The following PCDHGA1 variants were observed in gnomAD, a reference collection of about 807,000 sequenced individuals.
The protein encoded by PCDHGA1 is protocadherin gamma-A1.
PCDHGA1 carries 32 observed loss-of-function variants against 58.0 expected under a neutral mutation model. The observed-to-expected ratio is 0.55, with a 90% confidence interval of 0.42 to 0.74. PCDHGA1 has a LOEUF of 0.74. PCDHGA1 is among the 30% of genes least tolerant of loss of function. The pLI is 0.00. For missense variants in PCDHGA1, 1,205 were observed against 1,182.3 expected, an observed-to-expected ratio of 1.02 and a Z score of -0.28; for synonymous variants, 498 against 501.1, an observed-to-expected ratio of 0.99 and a Z score of 0.08.
rs764313049 is a variant in PCDHGA1, at chr5:141,418,041, T to G, written c.2422-76766T>G. 36 of 1,613,976 alleles carry G rather than the reference T, an allele frequency of 2.2e-5. No homozygotes were observed. In the Admixed American group the frequency reaches 2.3e-4, roughly 10 times the overall value. On this transcript the variant is annotated intron_variant, in intron 1 of 3. Coordinates refer to ENST00000517417, the MANE Select transcript of PCDHGA1 (RefSeq NM_018912.3). Reference sequence around the variant, plus strand: ...GATCTAGGGCTTAGTGTCCTGGATGTGTCGGCTCGCGAGCTGCGAGTGAGC... The same window carrying G: ...GATCTAGGGCTTAGTGTCCTGGATGGGTCGGCTCGCGAGCTGCGAGTGAGC...
chr5:141,388,525 C>T (rs780990884), intron 1 of PCDHGA1: 2 of 1,613,854 alleles, frequency 1.2e-6, no homozygotes, highest in Non-Finnish European at 8.5e-7. Flanking sequence ...ACTTTGACTG[C>T]CTTGGACTTT....
rs894528472 is a variant in PCDHGA1 at position 141,489,718 on chromosome 5, C to A, written c.2422-5089C>A. 6.2e-7 allele frequency: 1 copy of A among 1,614,038 alleles called. No individual in the cohort carries two copies. Among genetic ancestry groups the A allele is most frequent in the African/African-American group, 1.3e-5 (1 of 74,934 alleles). ...ATTCCCACTGGACAGTGCCCAGGATCCGGATGTGGGCACCAATACTGTGAG... is the reference window on the plus strand; with the variant it reads ...ATTCCCACTGGACAGTGCCCAGGATACGGATGTGGGCACCAATACTGTGAG... On this transcript the variant is annotated intron_variant, in intron 1 of 3. Coordinates refer to ENST00000517417, the MANE Select transcript of PCDHGA1 (RefSeq NM_018912.3). This position sits in a 1 kb window ranked among gnomAD's most constrained non-coding sequence, Gnocchi z 4.5.
At position 141,403,891 on chromosome 5, in the gene PCDHGA1, AT is replaced by A. The variant is rs757338627; in HGVS notation, c.2421+70790del. The A allele has an allele frequency of 3.1e-6, 5 of 1,613,870 alleles. No individual in the cohort carries two copies. In the Admixed American group the frequency reaches 6.7e-5, roughly 22 times the overall value. On this transcript the variant is annotated intron_variant, in intron 1 of 3. Transcript: ENST00000517417. Reference sequence around the variant, plus strand: ...AAAGTCTAGATTATGAAGAATGTTCATTTTATGAAATGGAAATACAAGCTGA... The same window carrying A: ...AAAGTCTAGATTATGAAGAATGTTCATTTATGAAATGGAAATACAAGCTGA...
chr5:141,473,857 G>A (rs981688765), intron 1 of PCDHGA1, among the ~76,000 whole-genome samples: 1 of 152,164 alleles, frequency 6.6e-6, no homozygotes, highest in Non-Finnish European at 1.5e-5. Context: ...GATGAACCTC[G>A]CTATTGTGGA....
In PCDHGA1 at chr5:141,490,692, G is replaced by C. The variant is rs751109998; in HGVS notation, c.2422-4115G>C. 16 of 1,614,154 alleles carry C rather than the reference G, an allele frequency of 9.9e-6. 1 individual carries two copies. The Middle Eastern group carries it at 6.6e-4, about 67-fold the overall frequency. ...TGGCTGCCTCAGATCCAGACACTGG[G>C]GATAATGCCCGCCTCACCTACTCCA... On this transcript the variant is annotated intron_variant, in intron 1 of 3. Transcript: ENST00000517417. This position sits in a 1 kb window ranked among gnomAD's most constrained non-coding sequence, Gnocchi z 5.4.
intron 1 of PCDHGA1, chr5:141,375,477 AC>A (rs768233872): frequency 3.1e-6 from 5 of 1,613,798 alleles, no homozygotes; most frequent in Non-Finnish European, 4.2e-6. Context: ...CTTGAAAACA[AC>A]CCCAGGGGTG....
At chr5:141,497,245 G>T (rs779763574) in intron 2 of PCDHGA1, among the ~76,000 whole-genome samples, 2 of 152,138 alleles carry the variant, frequency 1.3e-5, no homozygotes, top group Non-Finnish European at 2.9e-5. Flanking sequence ...TCTAGGAGGA[G>T]GTGACATTGA....
At chr5:141,345,223 C>A in intron 1 of PCDHGA1, 1 of 1,613,928 alleles carries the variant, frequency 6.2e-7, no homozygotes, top group Non-Finnish European at 8.5e-7. Flanking sequence ...TTAGAAAAAT[C>A]AATAGATCAA....
intron 1 of PCDHGA1, chr5:141,382,716 C>G (rs11575956): frequency 0.036 from 17,699 of 487,890 alleles, 411 homozygotes; most frequent in Middle Eastern, 0.065. Flanking sequence ...CAGAAACCAC[C>G]GAGTTTTACA....
Position 141,485,625 on chromosome 5 carries a change from G to T in PCDHGA1, c.2422-9182G>T. 6.2e-7 allele frequency: 1 copy of T among 1,611,968 alleles called. No individual in the cohort carries two copies. On this transcript the variant is annotated intron_variant, in intron 1 of 3. Transcript: ENST00000517417. This position sits in a 1 kb window ranked among gnomAD's most constrained non-coding sequence, Gnocchi z 5.7. ...GGGGAGGCAGCTCCTCCAGGACAGC[G>T]TTTCCCGTTGGAAAAGGCTCAGGAT...
intron 1 of PCDHGA1, among the ~76,000 whole-genome samples, chr5:141,459,831 G>T (rs907978430): frequency 1.3e-5 from 2 of 152,150 alleles, no homozygotes; most frequent in Non-Finnish European, 2.9e-5. Context: ...CTTTTCATGT[G>T]TTGTCTATTT....
chr5:141,422,546 G>T, intron 1 of PCDHGA1: 2 of 1,613,972 alleles, frequency 1.2e-6, no homozygotes, highest in South Asian at 2.2e-5. Flanking sequence ...ACTCATGTCT[G>T]GCTGAATGTG....
intron 1 of PCDHGA1, chr5:141,385,966 G>T (rs968695297): frequency 6.6e-6 from 1 of 152,176 alleles, no homozygotes. Context: ...AAGGCCATCG[G>T]ACAAAACCAA....
chr5:141,355,804 C>A, intron 1 of PCDHGA1: 2 of 1,613,356 alleles, frequency 1.2e-6, no homozygotes, highest in Non-Finnish European at 1.7e-6. Context: ...CGCTCTAGAT[C>A]GCGAGGAAGA....
chr5:141,478,164 C>G lies in PCDHGA1; in HGVS notation c.2422-16643C>G, dbSNP rs202185809. On this transcript the variant is annotated intron_variant, in intron 1 of 3. Transcript: ENST00000517417. Reference sequence around the variant, plus strand: ...GCCGAGTTCCCCTCTGGCTCTGCCCCCCGGGAGCAGAAAAAAAATCTCACC... The same window carrying G: ...GCCGAGTTCCCCTCTGGCTCTGCCCGCCGGGAGCAGAAAAAAAATCTCACC... The G allele has an allele frequency of 1.0e-4, 167 of 1,613,890 alleles. No homozygotes were observed. Among genetic ancestry groups the G allele is most frequent in the Non-Finnish European group, 1.3e-4 (157 of 1,180,048 alleles).
intron 1 of PCDHGA1, among the ~76,000 whole-genome samples, chr5:141,444,014 T>C (rs2098414038): frequency 6.6e-6 from 1 of 152,122 alleles, no homozygotes; most frequent in Admixed American, 6.6e-5. Flanking sequence ...GGGTATTGGC[T>C]TCTAAAAGGA....
chr5:141,432,610 C>T lies in PCDHGA1; in HGVS notation c.2422-62197C>T, dbSNP rs1481968343. 9.3e-6 allele frequency: 15 copies of T among 1,613,954 alleles called. No homozygotes were observed. Among genetic ancestry groups the T allele is most frequent in the Non-Finnish European group, 1.3e-5 (15 of 1,179,978 alleles). On this transcript the variant is annotated intron_variant, in intron 1 of 3. Transcript: ENST00000517417. This position sits in a 1 kb window ranked among gnomAD's most constrained non-coding sequence, Gnocchi z 6.0. The stretch of plus-strand genomic sequence containing the variant: ...TCAAGGCCAGCGAGCCGGGACTCTT[C>T]TCGGTGGGTCTGCACACGGGCGAGG...
chr5:141,341,744 A>G, intron 1 of PCDHGA1: 1 of 437,424 alleles, frequency 2.3e-6, no homozygotes, highest in East Asian at 3.9e-5. Context: ...TGTTAAAAAT[A>G]TAAAGATTGG....
intron 1 of PCDHGA1, among the ~76,000 whole-genome samples, chr5:141,439,406 C>T (rs2098110611): frequency 6.6e-6 from 1 of 152,190 alleles, no homozygotes; most frequent in Non-Finnish European, 1.5e-5. Flanking sequence ...CATGTGCTAA[C>T]ATCACTGAGG....
Sources: gnomAD v4.1 joint callset for allele counts (sites outside exome capture counted in the v4.1 genomes callset) on GRCh38, gnomAD v4.1.1 for gene constraint, Gnocchi (gnomAD v3.1) non-coding constraint, MANE v1.5 for transcripts, NCBI Gene and HGNC (gene_info 2026-07-23, HGNC 2026-07-21) for gene names.